FAM131B: variants seen among roughly 807,000 people sequenced by gnomAD.
FAM131B encodes family with sequence similarity 131 member B.
In FAM131B, 19 loss-of-function variants were observed where a neutral mutation model predicts 42.0. The ratio of observed to expected loss-of-function variants is 0.45; its 90% CI spans 0.32 to 0.66. The LOEUF (loss-of-function observed/expected upper bound fraction) is 0.66, where lower values mean the gene tolerates loss of function less well. Among genes scored for constraint, FAM131B ranks in the 30% least tolerant of loss-of-function variants. The pLI, the probability that FAM131B is intolerant of heterozygous loss-of-function variation, is 0.05. For missense variants in FAM131B, 370 were observed against 468.4 expected, an observed-to-expected ratio of 0.79 and a Z score of 1.94; for synonymous variants, 183 against 177.6, an observed-to-expected ratio of 1.03 and a Z score of -0.24.
chr7:143,355,210 C>T lies in FAM131B; in HGVS notation c.*1340G>A, dbSNP rs1249058758. On this transcript the variant is annotated 3_prime_UTR_variant, in exon 7 of 7. Transcript: ENST00000443739. This position sits in a 1 kb window ranked among gnomAD's most constrained non-coding sequence, Gnocchi z 4.1. ...CACAGCACCGCTGCTTTGCTCCGCC[C>T]ATCCTCTGCCTGTGCTCTCACGGTA... is the stretch of plus-strand genomic sequence containing the variant. 6.6e-6 allele frequency: 1 copy of T among 152,470 alleles called. No homozygotes were observed. The highest frequency in any genetic ancestry group is 2.4e-5 in the African/African-American group (1 of 41,454). The allele number at this position is 152,470 out of a possible 1,614,324, so 9.4% of individuals were successfully genotyped here. A position where few individuals can be genotyped will look rare whatever the true frequency, so the allele number is the denominator to read the frequency against.
chr7:143,359,585 C>T lies in FAM131B; in HGVS notation c.174+147G>A. ...CAAGGAGGGATATATCCCCAGTGCT[C>T]TGGAAAACTGGGGCACAGGTTGAGA... On this transcript the variant is annotated intron_variant, in intron 3 of 6. Transcript: ENST00000443739. The surrounding 1 kb of genome is among the most constrained non-coding windows in gnomAD (Gnocchi z 5.4). 1.0e-6 allele frequency: 1 copy of T among 959,368 alleles called. No individual in the cohort carries two copies. The highest frequency in any genetic ancestry group is 1.6e-6 in the Non-Finnish European group (1 of 606,236). The allele number at this position is 959,368 out of a possible 1,614,324, so 59.4% of individuals were successfully genotyped here.
the FAM131B span, among the ~76,000 whole-genome samples, chr7:143,376,348 A>G: frequency 6.6e-6 from 1 of 152,184 alleles, no homozygotes; most frequent in African/African-American, 2.4e-5. Flanking sequence ...TGAGGGCAAG[A>G]ACTGAGTTTA....
the FAM131B span, among the ~76,000 whole-genome samples, chr7:143,379,358 C>T: frequency 5.3e-5 from 8 of 152,264 alleles, no homozygotes; most frequent in East Asian, 1.9e-4. Flanking sequence ...CTGGCTTGAG[C>T]GTGTCAGAGA....
the FAM131B span, chr7:143,380,363 C>G: frequency 1.0e-6 from 1 of 985,126 alleles, no homozygotes; most frequent in Non-Finnish European, 1.2e-6. The surrounding 1 kb of genome is among the most constrained non-coding windows in gnomAD (Gnocchi z 5.0). Context: ...TCTCAGAATG[C>G]CCAAGAGCTC....
At chr7:143,366,533 G>A (rs951505775), upstream of FAM131B, among the ~76,000 whole-genome samples, 2 of 151,888 alleles carry the variant, frequency 1.3e-5, no homozygotes, top group East Asian at 1.9e-4. Context: ...TGGAAATCAC[G>A]AGGGTCAGTA....
chr7:143,378,123 T>C, the FAM131B span, among the ~76,000 whole-genome samples: 1 of 152,268 alleles, frequency 6.6e-6, no homozygotes, highest in Non-Finnish European at 1.5e-5. Flanking sequence ...GGTGCTGCTA[T>C]TGTTGCTGTT....
At position 143,358,748 on chromosome 7, in the gene FAM131B, T is replaced by C. The variant is rs1037416439; in HGVS notation, c.466+79A>G. Reference sequence around the variant, plus strand: ...GTCAAAGTATGGATGGAGCTAATCCTGCCACAGGGGATCAGGTTGGAGGGT... The same window carrying C: ...GTCAAAGTATGGATGGAGCTAATCCCGCCACAGGGGATCAGGTTGGAGGGT... On this transcript the variant is annotated intron_variant, in intron 5 of 6. Coordinates refer to ENST00000443739, the MANE Select transcript of FAM131B (RefSeq NM_001031690.3). This position sits in a 1 kb window ranked among gnomAD's most constrained non-coding sequence, Gnocchi z 4.7. The C allele has an allele frequency of 8.8e-7, 1 of 1,133,678 alleles. No homozygotes were observed. Among genetic ancestry groups the C allele is most frequent in the Non-Finnish European group, 1.3e-6 (1 of 765,026 alleles). 70.2% of individuals were successfully genotyped at this position (1,133,678 alleles called of 1,614,324 possible).
In FAM131B at chr7:143,357,018, G is replaced by A. The variant is rs1269438698; in HGVS notation, c.615C>T (p.Ala205=). The A allele has an allele frequency of 1.9e-6, 3 of 1,609,198 alleles. No individual in the cohort carries two copies. The highest frequency in any genetic ancestry group is 1.7e-5 in the Admixed American group (1 of 59,924). Residue 205 remains alanine, a synonymous_variant, in exon 7 of 7, where the codon GCC becomes GCT. Coordinates refer to ENST00000443739, the MANE Select transcript of FAM131B (RefSeq NM_001031690.3). ...NYQELMDSQD[A]LAQAPMDGWP... is the part of the protein sequence containing the mutation. ...ATCCATCCATGGGTGCTTGAGCCAG[G>A]GCATCTGGAAAAAGAATCATGGAGG... is the stretch of plus-strand genomic sequence containing the variant.
chr7:143,373,656 C>T, the FAM131B span, among the ~76,000 whole-genome samples: 3 of 152,108 alleles, frequency 2.0e-5, no homozygotes, highest in Non-Finnish European at 4.4e-5. Context: ...AAGAGGAATG[C>T]TTGCTGAAAA....
the FAM131B span, chr7:143,382,178 G>T: frequency 1.5e-6 from 2 of 1,317,842 alleles, no homozygotes; most frequent in South Asian, 2.5e-5. Flanking sequence ...GGGTTAGAGC[G>T]GTTAACTGAG....
the FAM131B span, among the ~76,000 whole-genome samples, chr7:143,377,234 A>G: frequency 1.7e-4 from 26 of 152,258 alleles, no homozygotes; most frequent in Non-Finnish European, 3.4e-4. Context: ...GTGAGATTAC[A>G]GGCATGAGCC....
Position 143,359,811 on chromosome 7 carries a change from AG to A in FAM131B, c.139-45del, listed in dbSNP as rs1563096764. The A allele has an allele frequency of 6.5e-7, 1 of 1,530,872 alleles. No homozygotes were observed. Among genetic ancestry groups the A allele is most frequent in the Non-Finnish European group, 8.9e-7 (1 of 1,128,930 alleles). 94.8% of individuals were successfully genotyped at this position (1,530,872 alleles called of 1,614,324 possible). A position where few individuals can be genotyped will look rare whatever the true frequency, so the allele number is the denominator to read the frequency against. On this transcript the variant is annotated intron_variant, in intron 2 of 6. Transcript: ENST00000443739. This position sits in a 1 kb window ranked among gnomAD's most constrained non-coding sequence, Gnocchi z 5.4. ...GGGAATGGGCATCCCAGTCACTCGC[AG>A]GAATGCAAGGAAGCCCCCTTCCTCA...
At chr7:143,367,710 G>C (rs540991869), upstream of FAM131B, among the ~76,000 whole-genome samples, 2 of 151,932 alleles carry the variant, frequency 1.3e-5, no homozygotes, top group Admixed American at 1.3e-4. Context: ...ATCTCAAAAA[G>C]AAAGAAAGAA....
intron 1 of FAM131B, chr7:143,361,963 T>A: frequency 2.8e-6 from 2 of 720,004 alleles, no homozygotes; most frequent in Non-Finnish European, 3.4e-6. Flanking sequence ...GCCCTGTCCC[T>A]CCGGGCGTGG....
upstream of FAM131B, chr7:143,364,156 A>G (rs1408447123): frequency 6.6e-6 from 1 of 152,196 alleles, no homozygotes; most frequent in Non-Finnish European, 1.5e-5. Flanking sequence ...CTATTTCAAT[A>G]GTGGAGAGAA....
At chr7:143,368,321 C>T in the FAM131B span, among the ~76,000 whole-genome samples, 2 of 152,224 alleles carry the variant, frequency 1.3e-5, no homozygotes, top group Non-Finnish European at 2.9e-5. Flanking sequence ...AGAGCACTGA[C>T]AAAGAGAGGG....
At chr7:143,381,544 C>T in the FAM131B span, 3 of 1,599,498 alleles carry the variant, frequency 1.9e-6, no homozygotes, top group South Asian at 1.1e-5. Flanking sequence ...CGTAACCCGG[C>T]GACCCACCCC....
the FAM131B span, chr7:143,381,319 G>T: frequency 8.9e-7 from 1 of 1,119,722 alleles, no homozygotes. Context: ...CTCCCCGCCC[G>T]GCTGGAGGCT....
the FAM131B span, chr7:143,381,312 C>A: frequency 1.8e-6 from 2 of 1,116,796 alleles, no homozygotes; most frequent in Non-Finnish European, 2.2e-6. Flanking sequence ...TGTGTCCCTC[C>A]CCGCCCGGCT....
Sources: allele counts gnomAD v4.1 joint callset (sites outside exome capture counted in the v4.1 genomes callset), GRCh38; gene constraint gnomAD v4.1.1; non-coding constraint Gnocchi (gnomAD v3.1); transcripts MANE v1.5; gene names NCBI Gene and HGNC (gene_info 2026-07-23, HGNC 2026-07-21).